PACRG: variants seen among roughly 807,000 people sequenced by gnomAD.
PACRG encodes parkin coregulated gene protein.
In PACRG, 29 loss-of-function variants were observed where a neutral mutation model predicts 29.7. The observed-to-expected ratio is 0.98, with a 90% CI of 0.73 to 1.33. PACRG has a LOEUF of 1.33. Among genes scored for constraint, PACRG ranks in the 40% most tolerant of loss-of-function variants. The pLI, the probability that PACRG is intolerant of heterozygous loss-of-function variation, is 0.00. For missense variants in PACRG, 279 were observed against 316.2 expected (o/e 0.88, Z 0.89); for synonymous variants, 116 against 118.7 (o/e 0.98, Z 0.15).
intron 2 of PACRG, among the ~76,000 whole-genome samples, chr6:162,832,646 CATTATTCTGATA>C (rs1158268478): frequency 1.3e-5 from 2 of 152,110 alleles, no homozygotes; most frequent in African/African-American, 4.8e-5. Context: ...ATGTAGCTCA[CATTATTCTGATA>C]ATTAACATCT....
At chr6:162,898,410 G>A (rs532568841) in intron 2 of PACRG, among the ~76,000 whole-genome samples, 166 of 152,220 alleles carry the variant, frequency 1.1e-3, no homozygotes, top group Non-Finnish European at 2.0e-3. Context: ...CTTGTCTACC[G>A]GAATGCACCA....
At chr6:162,983,113 A>C (rs1802569292) in intron 2 of PACRG, among the ~76,000 whole-genome samples, 2 of 151,968 alleles carry the variant, frequency 1.3e-5, no homozygotes, top group Admixed American at 6.6e-5. Flanking sequence ...GTCTGACCTA[A>C]GAATAGCTCC....
intron 2 of PACRG, among the ~76,000 whole-genome samples, chr6:162,906,468 C>T (rs368994176): frequency 3.9e-4 from 60 of 152,220 alleles, no homozygotes; most frequent in Middle Eastern, 3.4e-3. Context: ...AATGCCAGAC[C>T]GTATTTCAAA....
chr6:163,238,818 CAA>C lies in PACRG; in HGVS notation c.614-76003_614-76002del, dbSNP rs555468298. On this transcript the variant is annotated intron_variant, in intron 4 of 4. Transcript: ENST00000366888. ...ATATTTTTTTCTCATGTAAAAGGCT[CAA>C]AAAAATGGTGTCTCTTCTGTATTTC... Among the ~76,000 whole-genome samples, 964 of 152,104 alleles carry C rather than the reference CAA, an allele frequency of 6.3e-3. 10 individuals carry two copies. Among genetic ancestry groups the C allele is most frequent in the African/African-American group, 0.023 (937 of 41,508 alleles).
chr6:162,988,705 A>T (rs1167479531), intron 2 of PACRG, among the ~76,000 whole-genome samples: 1 of 152,212 alleles, frequency 6.6e-6, no homozygotes. Context: ...CAGCATATTC[A>T]TTAAAATGCC....
rs1286949387 is a variant in PACRG, at chr6:163,151,449, A to G, written c.613+62041A>G. Among the ~76,000 whole-genome samples, 3 of 152,190 alleles carry G rather than the reference A, an allele frequency of 2.0e-5. No homozygotes were observed. In the East Asian group the frequency reaches 5.8e-4, roughly 29 times the overall value. ...GTCCTCATCGGCAGGCTTTTGTTCC[A>G]GTCCTGAGAAAGACAGCCTCCCACT... On this transcript the variant is annotated intron_variant, in intron 4 of 4. Transcript: ENST00000366888.
At chr6:162,980,297 C>T (rs1802305028) in intron 2 of PACRG, among the ~76,000 whole-genome samples, 1 of 152,076 alleles carries the variant, frequency 6.6e-6, no homozygotes, top group South Asian at 2.1e-4. Context: ...GCCTAATACT[C>T]TTCAGTCAGT....
At position 162,779,822 on chromosome 6, in the gene PACRG, A is replaced by G. The variant is rs115330928; in HGVS notation, c.157-34325A>G. Among the ~76,000 whole-genome samples, 1,173 of 152,342 alleles carry G rather than the reference A, an allele frequency of 7.7e-3. 17 individuals carry two copies. Among genetic ancestry groups the G allele is most frequent in the African/African-American group, 0.027 (1,114 of 41,576 alleles). On this transcript the variant is annotated intron_variant, in intron 1 of 4. Transcript: ENST00000366888. Reference sequence around the variant, plus strand: ...CCTGAAACAACTTTAGACAAGACGTATGAAACAATGACACTCAAGCCATTA... The same window carrying G: ...CCTGAAACAACTTTAGACAAGACGTGTGAAACAATGACACTCAAGCCATTA...
At chr6:163,011,236 TG>T in intron 2 of PACRG, among the ~76,000 whole-genome samples, 1 of 152,294 alleles carries the variant, frequency 6.6e-6, no homozygotes, top group East Asian at 1.9e-4. Context: ...TGTTGTTAGA[TG>T]ATTTTGTCAC....
intron 2 of PACRG, among the ~76,000 whole-genome samples, chr6:163,025,100 C>T (rs1406644414): frequency 6.6e-6 from 1 of 152,104 alleles, no homozygotes; most frequent in East Asian, 1.9e-4. Flanking sequence ...ATAATAAGAG[C>T]CATCTATGAC....
At chr6:163,186,172 C>T (rs1278156598) in intron 4 of PACRG, among the ~76,000 whole-genome samples, 1 of 152,168 alleles carries the variant, frequency 6.6e-6, no homozygotes, top group Non-Finnish European at 1.5e-5. Flanking sequence ...CGTTGTGTGG[C>T]CTTTTCTCTG....
In PACRG at chr6:163,291,309, A is replaced by AC. The variant is rs1157355203; in HGVS notation, c.614-23515dup. ...GGCCTGCGGGTCACCCTGCAAGATG[A>AC]CCCTCTGCCCGCCAGAGCTGGCCTG... is the stretch of plus-strand genomic sequence containing the variant. On this transcript the variant is annotated intron_variant, in intron 4 of 4. Transcript: ENST00000366888. Among the ~76,000 whole-genome samples, 13 of 74,682 alleles carry AC rather than the reference A, an allele frequency of 1.7e-4. 1 individual carries two copies. The highest frequency in any genetic ancestry group is 4.7e-4 in the South Asian group (1 of 2,136). 49.0% of individuals were successfully genotyped at this position (74,682 alleles called of 152,430 possible).
intron 2 of PACRG, among the ~76,000 whole-genome samples, chr6:162,929,695 T>C (rs539744713): frequency 3.3e-5 from 5 of 151,986 alleles, no homozygotes; most frequent in Admixed American, 3.3e-4. Flanking sequence ...TCTCTCCGGG[T>C]AGTTTCACAG....
At chr6:162,837,564 G>A (rs1295373533) in intron 2 of PACRG, among the ~76,000 whole-genome samples, 1 of 152,108 alleles carries the variant, frequency 6.6e-6, no homozygotes, top group Non-Finnish European at 1.5e-5. Context: ...ATAATTTTTA[G>A]TTGGATTTGA....
intron 2 of PACRG, among the ~76,000 whole-genome samples, chr6:162,858,210 G>A (rs879560051): frequency 6.6e-5 from 10 of 152,196 alleles, no homozygotes; most frequent in South Asian, 4.2e-4. Flanking sequence ...TCCACATGGC[G>A]GGGGAGGCCT....
intron 4 of PACRG, among the ~76,000 whole-genome samples, chr6:163,269,722 GA>G (rs1783661866): frequency 6.7e-6 from 1 of 149,974 alleles, no homozygotes. Flanking sequence ...AAAAATGGGT[GA>G]GAATACCACT....
intron 4 of PACRG, among the ~76,000 whole-genome samples, chr6:163,169,717 T>C (rs1778979738): frequency 6.6e-6 from 1 of 152,046 alleles, no homozygotes; most frequent in Non-Finnish European, 1.5e-5. Context: ...GCCAGACGGC[T>C]CAGGAGAGAG....
chr6:162,753,672 T>TC (rs1781686076), intron 1 of PACRG, among the ~76,000 whole-genome samples: 1 of 152,132 alleles, frequency 6.6e-6, no homozygotes, highest in East Asian at 1.9e-4. Flanking sequence ...CATGCTGTTC[T>TC]CATGATAGTG....
intron 3 of PACRG, among the ~76,000 whole-genome samples, chr6:163,071,965 G>T (rs1273298630): frequency 6.6e-6 from 1 of 151,754 alleles, no homozygotes; most frequent in African/African-American, 2.4e-5. Flanking sequence ...GAAAATCCCA[G>T]GACTCAATGG....
Sources: allele counts gnomAD v4.1 joint callset (sites outside exome capture counted in the v4.1 genomes callset), GRCh38; gene constraint gnomAD v4.1.1; transcripts MANE v1.5; gene names NCBI Gene and HGNC (gene_info 2026-07-23, HGNC 2026-07-21).